Variants in ANKS1A observed in about 807,000 individuals in gnomAD.
ANKS1A encodes ankyrin repeat and SAM domain-containing protein 1A.
ANKS1A carries 55 observed loss-of-function variants against 120.3 expected under a neutral mutation model. That is an observed-to-expected ratio of 0.46 (90% CI 0.37 to 0.57). The LOEUF (loss-of-function observed/expected upper bound fraction) is 0.57. Among genes scored for constraint, ANKS1A ranks in the 20% least tolerant of loss-of-function variants. The pLI is 0.00. For synonymous variants in ANKS1A, 590 were observed against 604.7 expected (o/e 0.98, Z 0.36); for missense variants, 1,123 against 1,480.3 (o/e 0.76, Z 3.96).
intron 1 of ANKS1A, among the ~76,000 whole-genome samples, chr6:34,949,695 C>T (rs146493513): frequency 1.4e-3 from 206 of 152,310 alleles, no homozygotes; most frequent in African/African-American, 4.6e-3. Flanking sequence ...GGTAGGAGTA[C>T]ATAACTGTTA....
chr6:34,957,520 A>G (rs1040743335), intron 1 of ANKS1A, among the ~76,000 whole-genome samples: 4 of 152,232 alleles, frequency 2.6e-5, no homozygotes, highest in African/African-American at 7.2e-5. Flanking sequence ...TCACTTTGCA[A>G]CAATAACCAA....
At chr6:35,024,313 T>C (rs1240132103) in intron 11 of ANKS1A, among the ~76,000 whole-genome samples, 6 of 152,200 alleles carry the variant, frequency 3.9e-5, no homozygotes, top group Non-Finnish European at 7.4e-5. Context: ...TCTGGTCATA[T>C]TGTGGTTTGA....
At chr6:34,946,228 G>C (rs1360836052) in intron 1 of ANKS1A, among the ~76,000 whole-genome samples, 7 of 151,796 alleles carry the variant, frequency 4.6e-5, no homozygotes, top group African/African-American at 9.7e-5. Context: ...TTATCCACCT[G>C]CCTTGGACTC....
chr6:34,995,057 T>C (rs1772777214), intron 10 of ANKS1A, among the ~76,000 whole-genome samples: 2 of 152,226 alleles, frequency 1.3e-5, no homozygotes, highest in South Asian at 4.1e-4. Context: ...GGAAGAATGA[T>C]AAGGGACAAT....
intron 10 of ANKS1A, among the ~76,000 whole-genome samples, chr6:34,998,573 T>C (rs1290646106): frequency 6.6e-6 from 1 of 152,116 alleles, no homozygotes; most frequent in Non-Finnish European, 1.5e-5. Context: ...AGAAAGACAT[T>C]GTAAAACTTC....
chr6:34,995,755 A>T (rs1772817057), intron 10 of ANKS1A, among the ~76,000 whole-genome samples: 4 of 152,210 alleles, frequency 2.6e-5, no homozygotes, highest in Admixed American at 2.6e-4. Context: ...GTTCCTTTTC[A>T]TTGCTACTAT....
At chr6:35,045,977 A>G (rs920751169) in intron 11 of ANKS1A, among the ~76,000 whole-genome samples, 3 of 152,218 alleles carry the variant, frequency 2.0e-5, no homozygotes, top group Non-Finnish European at 4.4e-5. Context: ...AATGTAGTTC[A>G]CATAGCTTTC....
At chr6:34,943,283 T>C (rs1769623027) in intron 1 of ANKS1A, among the ~76,000 whole-genome samples, 2 of 152,160 alleles carry the variant, frequency 1.3e-5, no homozygotes, top group Non-Finnish European at 2.9e-5. Context: ...ATAGAAAAAT[T>C]GCTCAAAAAG....
chr6:35,051,883 C>A (rs1459703884), intron 11 of ANKS1A, among the ~76,000 whole-genome samples: 1 of 152,176 alleles, frequency 6.6e-6, no homozygotes, highest in Non-Finnish European at 1.5e-5. Flanking sequence ...GACAACAGAG[C>A]GGAAGTGGAA....
chr6:35,023,555 CTT>C, intron 11 of ANKS1A: 1 of 430,650 alleles, frequency 2.3e-6, no homozygotes, highest in East Asian at 8.1e-5. Context: ...TTCTTTCACT[CTT>C]TGACTGAATA....
intron 10 of ANKS1A, among the ~76,000 whole-genome samples, chr6:35,000,011 G>GA (rs1470271873): frequency 6.6e-6 from 1 of 151,866 alleles, no homozygotes; most frequent in Non-Finnish European, 1.5e-5. Context: ...AAGTACTTAA[G>GA]AAAAAAACAG....
chr6:34,965,752 CT>C (rs539948587), intron 1 of ANKS1A, among the ~76,000 whole-genome samples: 115 of 143,128 alleles, frequency 8.0e-4, no homozygotes, highest in Non-Finnish European at 7.1e-4. Flanking sequence ...CTGTCATTGT[CT>C]TTTTTTTTTT....
intron 1 of ANKS1A, among the ~76,000 whole-genome samples, chr6:34,945,749 G>A (rs1005980417): frequency 6.6e-6 from 1 of 152,160 alleles, no homozygotes; most frequent in African/African-American, 2.4e-5. Context: ...AATAGATATA[G>A]ACCTATTCAG....
At chr6:34,928,530 A>G (rs547229276) in intron 1 of ANKS1A, among the ~76,000 whole-genome samples, 34 of 149,964 alleles carry the variant, frequency 2.3e-4, no homozygotes, top group African/African-American at 7.6e-4. Context: ...TTTTTAGAGG[A>G]GTCTTTTTTT....
intron 1 of ANKS1A, among the ~76,000 whole-genome samples, chr6:34,897,428 C>G (rs1158834705): frequency 6.6e-6 from 1 of 152,154 alleles, no homozygotes; most frequent in Non-Finnish European, 1.5e-5. Context: ...CCTAGTCTTT[C>G]ATAGGGAAAG....
At chr6:35,015,734 C>T (rs973231904) in intron 10 of ANKS1A, among the ~76,000 whole-genome samples, 1 of 152,246 alleles carries the variant, frequency 6.6e-6, no homozygotes, top group Non-Finnish European at 1.5e-5. Context: ...GTTGGGCTCA[C>T]TGTGAGAGCT....
intron 1 of ANKS1A, among the ~76,000 whole-genome samples, chr6:34,954,621 G>A (rs1245034551): frequency 6.6e-6 from 1 of 152,166 alleles, no homozygotes; most frequent in South Asian, 2.1e-4. Flanking sequence ...TCTCTTAAGA[G>A]GGAGTAAATT....
At chr6:34,906,102 G>A (rs967856217) in intron 1 of ANKS1A, among the ~76,000 whole-genome samples, 1 of 152,096 alleles carries the variant, frequency 6.6e-6, no homozygotes, top group Non-Finnish European at 1.5e-5. Flanking sequence ...GTATGATCTT[G>A]GGAATATTTT....
chr6:34,942,346 A>C (rs1225638132), intron 1 of ANKS1A, among the ~76,000 whole-genome samples: 1 of 152,212 alleles, frequency 6.6e-6, no homozygotes, highest in Non-Finnish European at 1.5e-5. Context: ...AGCCATCACA[A>C]GTAGCCAGAG....
Sources: gnomAD v4.1 joint callset for allele counts (sites outside exome capture counted in the v4.1 genomes callset) on GRCh38, gnomAD v4.1.1 for gene constraint, MANE v1.5 for transcripts, NCBI Gene and HGNC (gene_info 2026-07-23, HGNC 2026-07-21) for gene names.